The following SNAP91 variants were observed in gnomAD, a reference collection of about 807,000 sequenced individuals.
SNAP91 encodes synaptosome associated protein 91.
Under a neutral mutation model 100.3 loss-of-function variants are expected in SNAP91, and 27 were observed. That is an observed-to-expected ratio of 0.27 (90% confidence interval 0.20 to 0.37). The LOEUF is 0.37. Among genes scored for constraint, SNAP91 ranks in the 10% least tolerant of loss-of-function variants. SNAP91 has a pLI of 1.00. For missense variants in SNAP91, 986 were observed against 1,123.7 expected (o/e 0.88, Z 1.75); for synonymous variants, 404 against 398.6 (o/e 1.01, Z -0.16).
intron 24 of SNAP91, among the ~76,000 whole-genome samples, chr6:83,579,118 T>G (rs954471022): frequency 3.9e-5 from 6 of 152,228 alleles, no homozygotes; most frequent in African/African-American, 1.2e-4. Context: ...CCAGTACCAT[T>G]TGTCCTGATT....
At chr6:83,568,567 G>T (rs1162745069) in intron 26 of SNAP91, among the ~76,000 whole-genome samples, 1 of 152,026 alleles carries the variant, frequency 6.6e-6, no homozygotes, top group Non-Finnish European at 1.5e-5. Context: ...GAAGCACAGG[G>T]CTCCTGATGG....
intron 16 of SNAP91, 89 bp from the exon 17 acceptor site, chr6:83,594,570 G>T (rs1562263547): frequency 2.6e-6 from 2 of 779,008 alleles, no homozygotes; most frequent in African/African-American, 1.8e-5. Flanking sequence ...TGTGAAGAAG[G>T]CTCCCTTATA....
At chr6:83,661,128 A>C (rs978609067) in intron 5 of SNAP91, among the ~76,000 whole-genome samples, 3 of 152,190 alleles carry the variant, frequency 2.0e-5, no homozygotes, top group Non-Finnish European at 2.9e-5. Context: ...ATCTACAGCC[A>C]CTATACTTTT....
chr6:83,677,254 G>C (rs2098922785), intron 2 of SNAP91, among the ~76,000 whole-genome samples: 3 of 152,182 alleles, frequency 2.0e-5, no homozygotes, highest in Admixed American at 2.0e-4. Flanking sequence ...AGTTATGTCA[G>C]TCATTTCAGA....
rs766891003 is a variant in SNAP91 at position 83,665,591 on chromosome 6, T to C, written c.131-10A>G. On this transcript the variant is annotated splice_polypyrimidine_tract_variant and intron_variant, in intron 2 of 29. Coordinates refer to ENST00000369694, the MANE Select transcript of SNAP91 (RefSeq NM_001242792.2). ...GTAGCCTGGATCAAATCTATGAAAA[T>C]AGAAGATATTAATCAATGATATTAA... 9 of 1,604,102 alleles carry C rather than the reference T, an allele frequency of 5.6e-6. No individual in the cohort carries two copies. The South Asian group carries it at 8.9e-5, about 16-fold the overall frequency.
At chr6:83,655,453 G>A (rs186094245) in intron 7 of SNAP91, among the ~76,000 whole-genome samples, 16 of 152,286 alleles carry the variant, frequency 1.1e-4, no homozygotes, top group Non-Finnish European at 2.2e-4. Flanking sequence ...AGATTCAAAT[G>A]CTGTAGAGTA....
intron 16 of SNAP91, among the ~76,000 whole-genome samples, chr6:83,599,062 G>A (rs991678415): frequency 2.6e-5 from 4 of 152,128 alleles, no homozygotes; most frequent in Non-Finnish European, 5.9e-5. Context: ...TAAGTTGCAT[G>A]ATTCTCTGCA....
intron 2 of SNAP91, among the ~76,000 whole-genome samples, chr6:83,677,469 G>C (rs1303635858): frequency 6.6e-6 from 1 of 152,192 alleles, no homozygotes; most frequent in Admixed American, 6.5e-5. Context: ...ATGTGCATGA[G>C]TCTGAAACTA....
intron 12 of SNAP91, among the ~76,000 whole-genome samples, chr6:83,609,580 C>T (rs72903514): frequency 2.7e-3 from 409 of 152,106 alleles, no homozygotes; most frequent in Non-Finnish European, 4.6e-3. Context: ...GGAAATTTGT[C>T]AAAGAGGAAA....
intron 17 of SNAP91, 94 bp from the exon 18 acceptor site, chr6:83,593,835 T>C: frequency 6.8e-7 from 1 of 1,479,646 alleles, no homozygotes; most frequent in Non-Finnish European, 8.9e-7. Context: ...CTTATACAGA[T>C]ATTTACACAC....
At chr6:83,570,934 T>C (rs1269139551) in intron 26 of SNAP91, among the ~76,000 whole-genome samples, 1 of 152,038 alleles carries the variant, frequency 6.6e-6, no homozygotes, top group East Asian at 1.9e-4. Flanking sequence ...AGTGGAGCTA[T>C]GAGAAGAAGG....
At chr6:83,594,952 A>G (rs2094291204) in intron 16 of SNAP91, among the ~76,000 whole-genome samples, 1 of 152,210 alleles carries the variant, frequency 6.6e-6, no homozygotes, top group African/African-American at 2.4e-5. Flanking sequence ...TACAATGGCA[A>G]TGTAAATAAT....
rs1773613334 is a variant in SNAP91, at chr6:83,553,320, T to C, written c.*976A>G. Reference sequence around the variant, plus strand: ...ACAACAAAACCTACTTTGAGCTCAGTTGAAGGATGGAAGAACACTAGTCTA... The same window carrying C: ...ACAACAAAACCTACTTTGAGCTCAGCTGAAGGATGGAAGAACACTAGTCTA... On this transcript the variant is annotated 3_prime_UTR_variant, in exon 30 of 30. Coordinates refer to ENST00000369694, the MANE Select transcript of SNAP91 (RefSeq NM_001242792.2). 6.6e-6 allele frequency: 1 copy of C among 152,286 alleles called. No homozygotes were observed. The highest frequency in any genetic ancestry group is 1.5e-5 in the Non-Finnish European group (1 of 68,020). The allele number at this position is 152,286 out of a possible 1,614,324, so 9.4% of individuals were successfully genotyped here.
intron 2 of SNAP91, among the ~76,000 whole-genome samples, chr6:83,682,003 G>C (rs754746396): frequency 4.6e-5 from 7 of 151,966 alleles, no homozygotes; most frequent in Non-Finnish European, 8.8e-5. Flanking sequence ...GAATTCTACT[G>C]ATACCCTCTG....
intron 7 of SNAP91, among the ~76,000 whole-genome samples, chr6:83,649,728 G>A (rs1312813845): frequency 6.6e-6 from 1 of 151,160 alleles, no homozygotes; most frequent in Non-Finnish European, 1.5e-5. Context: ...CTATAGACAT[G>A]AGCCACCATG....
At chr6:83,680,658 G>A (rs2098976387) in intron 2 of SNAP91, among the ~76,000 whole-genome samples, 1 of 152,082 alleles carries the variant, frequency 6.6e-6, no homozygotes, top group Admixed American at 6.6e-5. Flanking sequence ...GCTCAGTCTA[G>A]AACAAGTTTC....
At chr6:83,654,449 C>G (rs2098332005) in intron 7 of SNAP91, among the ~76,000 whole-genome samples, 1 of 152,112 alleles carries the variant, frequency 6.6e-6, no homozygotes, top group African/African-American at 2.4e-5. Context: ...ATTTACCTAC[C>G]CAGACTTTTC....
chr6:83,663,819 T>C (rs577375134), intron 3 of SNAP91, among the ~76,000 whole-genome samples: 1 of 152,286 alleles, frequency 6.6e-6, no homozygotes, highest in Non-Finnish European at 1.5e-5. Context: ...TGGAAGAAGA[T>C]GCCATCTAGA....
chr6:83,645,342 T>C (rs2097873440), intron 7 of SNAP91, among the ~76,000 whole-genome samples: 1 of 152,046 alleles, frequency 6.6e-6, no homozygotes, highest in South Asian at 2.1e-4. Context: ...TTATCCCTGA[T>C]CCTAAACACG....
Sources: gnomAD v4.1 joint callset for allele counts (sites outside exome capture counted in the v4.1 genomes callset) on GRCh38, gnomAD v4.1.1 for gene constraint, MANE v1.5 for transcripts, NCBI Gene and HGNC (gene_info 2026-07-23, HGNC 2026-07-21) for gene names.